The following STX11 variants were observed in gnomAD, a reference collection of about 807,000 sequenced individuals.
STX11 encodes syntaxin-11.
Under a neutral mutation model 19.9 loss-of-function variants are expected in STX11, and 21 were observed. The observed-to-expected ratio is 1.06, with a 90% CI of 0.75 to 1.52. STX11 has a LOEUF of 1.52. STX11 is among the 40% of genes most tolerant of loss of function. The pLI, the probability that STX11 is intolerant of heterozygous loss-of-function variation, is 0.00. For missense variants in STX11, 438 were observed against 405.9 expected (o/e 1.08, Z -0.68); for synonymous variants, 193 against 174.4 (o/e 1.11, Z -0.84).
rs1416701912 is a variant in STX11, at chr6:144,155,400, C to T, written c.-6+4697C>T. Among the ~76,000 whole-genome samples, 1 of 152,136 alleles carries T rather than the reference C, an allele frequency of 6.6e-6. No individual in the cohort carries two copies. The highest frequency in any genetic ancestry group is 2.4e-5 in the African/African-American group (1 of 41,434). On this transcript the variant is annotated intron_variant, in intron 1 of 1. Coordinates refer to ENST00000367568, the MANE Select transcript of STX11 (RefSeq NM_003764.4). The surrounding 1 kb of genome is among the most constrained non-coding windows in gnomAD (Gnocchi z 4.5). ...GCTTGAAGTTTTAAAATAGTTTCTC[C>T]ACACATGCATTGAATGTTTTGTTCA...
chr6:144,149,935 C>G (rs1800949934), upstream of STX11, among the ~76,000 whole-genome samples: 1 of 152,036 alleles, frequency 6.6e-6, no homozygotes, highest in Non-Finnish European at 1.5e-5. The surrounding 1 kb of genome is among the most constrained non-coding windows in gnomAD (Gnocchi z 5.1). Context: ...TTTTTGAGCG[C>G]GGTGGGCACA....
rs1015482837 is a variant in STX11 at position 144,177,677 on chromosome 6, G to T, written c.-5-8946G>T. On this transcript the variant is annotated intron_variant, in intron 1 of 1. Coordinates refer to ENST00000367568, the MANE Select transcript of STX11 (RefSeq NM_003764.4). This position sits in a 1 kb window ranked among gnomAD's most constrained non-coding sequence, Gnocchi z 4.4. ...AGGCAGGAGAATTGCTTGAACCCGG[G>T]AGGCAAAGGTTGCGGTGAGCCAAGA... Among the ~76,000 whole-genome samples the T allele has an allele frequency of 2.0e-5, 3 of 152,176 alleles. No individual in the cohort carries two copies. The highest frequency in any genetic ancestry group is 7.2e-5 in the African/African-American group (3 of 41,430).
In STX11 at chr6:144,152,661, C is replaced by G. The variant is rs141455500; in HGVS notation, c.-6+1958C>G. Among the ~76,000 whole-genome samples the G allele has an allele frequency of 2.6e-5, 4 of 152,184 alleles. No individual in the cohort carries two copies. The highest frequency in any genetic ancestry group is 9.7e-5 in the African/African-American group (4 of 41,442). On this transcript the variant is annotated intron_variant, in intron 1 of 1. Coordinates refer to ENST00000367568, the MANE Select transcript of STX11 (RefSeq NM_003764.4). This position sits in a 1 kb window ranked among gnomAD's most constrained non-coding sequence, Gnocchi z 4.9. Reference sequence around the variant, plus strand: ...TTTGTTTTGTTTTTTGAGACAGAGTCTCACTCTGTTGCCCCAGGCTGGAGT... The same window carrying G: ...TTTGTTTTGTTTTTTGAGACAGAGTGTCACTCTGTTGCCCCAGGCTGGAGT...
rs1802101648 is a variant in STX11, at chr6:144,187,787, T to G, written c.*296T>G. The G allele has an allele frequency of 7.6e-6, 4 of 528,876 alleles. No individual in the cohort carries two copies. Among genetic ancestry groups the G allele is most frequent in the South Asian group, 4.5e-5 (2 of 44,806 alleles). 32.8% of individuals were successfully genotyped at this position (528,876 alleles called of 1,614,324 possible). On this transcript the variant is annotated 3_prime_UTR_variant, in exon 2 of 2. Transcript: ENST00000367568. This position sits in a 1 kb window ranked among gnomAD's most constrained non-coding sequence, Gnocchi z 5.6. Reference sequence around the variant, plus strand: ...ACAGAAGCCAAGTAAGGAACTGAAGTTGTATCTGACTGTAGGGTGAATGTC... The same window carrying G: ...ACAGAAGCCAAGTAAGGAACTGAAGGTGTATCTGACTGTAGGGTGAATGTC...
At chr6:144,156,797 G>T (rs2128747776) in intron 1 of STX11, among the ~76,000 whole-genome samples, 1 of 152,224 alleles carries the variant, frequency 6.6e-6, no homozygotes, top group Admixed American at 6.5e-5. Context: ...ACTACTGCAT[G>T]GTAAACCAAC....
Position 144,189,988 on chromosome 6 carries a change from A to G in STX11, c.*2497A>G, listed in dbSNP as rs1008100662. 6.6e-6 allele frequency among the ~76,000 whole-genome samples: 1 copy of G among 152,248 alleles called. No homozygotes were observed. The highest frequency in any genetic ancestry group is 6.5e-5 in the Admixed American group (1 of 15,286). On this transcript the variant is annotated 3_prime_UTR_variant, in exon 2 of 2. Transcript: ENST00000367568. ...TCATAAATTTGACATGTTTGAACCC[A>G]TAAAGCATTTTCTTTGCTTGGAACC... is the stretch of plus-strand genomic sequence containing the variant.
chr6:144,140,254 A>ATAT, the STX11 span, among the ~76,000 whole-genome samples: 1 of 38,898 alleles, frequency 2.6e-5, no homozygotes, highest in African/African-American at 1.3e-4. Context: ...ATATATATAT[A>ATAT]TTTATTTATT....
rs1801365445 is a variant in STX11 at position 144,162,423 on chromosome 6, T to C, written c.-6+11720T>C. On this transcript the variant is annotated intron_variant, in intron 1 of 1. Coordinates refer to ENST00000367568, the MANE Select transcript of STX11 (RefSeq NM_003764.4). This position sits in a 1 kb window ranked among gnomAD's most constrained non-coding sequence, Gnocchi z 4.6. ...CTTCTCTCTTATTCTTTATCCTAGT[T>C]GGCTTATGCCTTTAGAAAGTTCCTT... 6.6e-6 allele frequency among the ~76,000 whole-genome samples: 1 copy of C among 152,246 alleles called. No individual in the cohort carries two copies. Among genetic ancestry groups the C allele is most frequent in the Non-Finnish European group, 1.5e-5 (1 of 68,044 alleles).
chr6:144,158,068 C>T (rs2128748160), intron 1 of STX11, among the ~76,000 whole-genome samples: 1 of 151,954 alleles, frequency 6.6e-6, no homozygotes, highest in East Asian at 1.9e-4. Context: ...GGGGTGGAAC[C>T]CATGAATTGA....
At position 144,186,945 on chromosome 6, in the gene STX11, C is replaced by G. The variant is rs1331554948; in HGVS notation, c.318C>G (p.Ala106=). Residue 106 remains alanine (A), a synonymous_variant, in exon 2 of 2, where the codon GCC becomes GCG. Coordinates refer to ENST00000367568, the MANE Select transcript of STX11 (RefSeq NM_003764.4). ...RGEVIHCKLR[A]MKELSEAAEA... ...AGGTCATCCACTGCAAGCTGCGCGC[C>G]ATGAAGGAGCTGAGCGAGGCGGCTG... 1.2e-6 allele frequency: 2 copies of G among 1,609,770 alleles called. No individual in the cohort carries two copies. The highest frequency in any genetic ancestry group is 4.5e-5 in the East Asian group (2 of 44,876).
At position 144,155,945 on chromosome 6, in the gene STX11, T is replaced by C. The variant is rs867849662; in HGVS notation, c.-6+5242T>C. ...TAAATGTGTTTTAAAATTTAATCTT[T>C]CTTTCTTTCTTTCTTTCTTTCTTTC... On this transcript the variant is annotated intron_variant, in intron 1 of 1. Transcript: ENST00000367568. This position sits in a 1 kb window ranked among gnomAD's most constrained non-coding sequence, Gnocchi z 4.5. Among the ~76,000 whole-genome samples the C allele has an allele frequency of 0.27, 2,050 of 7,470 alleles. 106 individuals are homozygous for C. The highest frequency in any genetic ancestry group is 0.38 in the African/African-American group (1,631 of 4,324). 4.9% of individuals were successfully genotyped at this position (7,470 alleles called of 152,430 possible).
In STX11 at chr6:144,174,851, G is replaced by C. The variant is rs1046730175; in HGVS notation, c.-5-11772G>C. ...ATCTGGTACTACAATACTAACATTA[G>C]GCCAGGCACAGTGGCACACATCTGT... On this transcript the variant is annotated intron_variant, in intron 1 of 1. Coordinates refer to ENST00000367568, the MANE Select transcript of STX11 (RefSeq NM_003764.4). The surrounding 1 kb of genome is among the most constrained non-coding windows in gnomAD (Gnocchi z 5.3). Among the ~76,000 whole-genome samples the C allele has an allele frequency of 1.2e-4, 18 of 152,112 alleles. No homozygotes were observed. Among genetic ancestry groups the C allele is most frequent in the African/African-American group, 4.3e-4 (18 of 41,410 alleles).
At chr6:144,186,127 C>G (rs1187645050) in intron 1 of STX11, among the ~76,000 whole-genome samples, 1 of 121,398 alleles carries the variant, frequency 8.2e-6, no homozygotes, top group African/African-American at 3.3e-5. Flanking sequence ...GAGATGGTTT[C>G]CCAATGCAAT....
In STX11 at chr6:144,186,495, T is replaced by C. The variant is rs918972250; in HGVS notation, c.-5-128T>C. 1.0e-5 allele frequency: 11 copies of C among 1,102,944 alleles called. No individual in the cohort carries two copies. In the African/African-American group the frequency reaches 1.4e-4, roughly 14 times the overall value. 68.3% of individuals were successfully genotyped at this position (1,102,944 alleles called of 1,614,324 possible). A position where few individuals can be genotyped will look rare whatever the true frequency, so the allele number is the denominator to read the frequency against. On this transcript the variant is annotated intron_variant, in intron 1 of 1. Transcript: ENST00000367568. ...ATGTCAGAACATTTAGCTCCTTTAG[T>C]GCACTTATTGCCCACACCGAGGAAT...
Position 144,187,500 on chromosome 6 carries a change from C to G in STX11, c.*9C>G. 6.2e-7 allele frequency: 1 copy of G among 1,611,738 alleles called. No homozygotes were observed. The highest frequency in any genetic ancestry group is 1.3e-5 in the African/African-American group (1 of 75,028). On this transcript the variant is annotated 3_prime_UTR_variant, in exon 2 of 2. Coordinates refer to ENST00000367568, the MANE Select transcript of STX11 (RefSeq NM_003764.4). The surrounding 1 kb of genome is among the most constrained non-coding windows in gnomAD (Gnocchi z 5.6). ...GTCCCTGCCTCAAGTAGCAGGCCGGCCCGGGCCGCCACCGCCCATCCCAGA... is the reference window on the plus strand; with the variant it reads ...GTCCCTGCCTCAAGTAGCAGGCCGGGCCGGGCCGCCACCGCCCATCCCAGA...
In STX11 at chr6:144,175,429, C is replaced by T. The variant is rs958617020; in HGVS notation, c.-5-11194C>T. On this transcript the variant is annotated intron_variant, in intron 1 of 1. Coordinates refer to ENST00000367568, the MANE Select transcript of STX11 (RefSeq NM_003764.4). This position sits in a 1 kb window ranked among gnomAD's most constrained non-coding sequence, Gnocchi z 5.1. ...ATTGTTTTTTCTTCTGCCTCATCCTCCCGAGTAGCTGGGACTACAGGTATA... is the reference window on the plus strand; with the variant it reads ...ATTGTTTTTTCTTCTGCCTCATCCTTCCGAGTAGCTGGGACTACAGGTATA... Among the ~76,000 whole-genome samples, 3 of 152,088 alleles carry T rather than the reference C, an allele frequency of 2.0e-5. No individual in the cohort carries two copies. Among genetic ancestry groups the T allele is most frequent in the African/African-American group, 7.2e-5 (3 of 41,402 alleles).
Position 144,151,407 on chromosome 6 carries a change from T to C in STX11, c.-6+704T>C. On this transcript the variant is annotated intron_variant, in intron 1 of 1. Transcript: ENST00000367568. The surrounding 1 kb of genome is among the most constrained non-coding windows in gnomAD (Gnocchi z 4.6). ...AGAGGGAGGAGCTGTTATTTACAGGTATCCAAAAATGAGTCACAGGGCTGC... is the reference window on the plus strand; with the variant it reads ...AGAGGGAGGAGCTGTTATTTACAGGCATCCAAAAATGAGTCACAGGGCTGC... 1.0e-6 allele frequency: 1 copy of C among 985,440 alleles called. No homozygotes were observed. Among genetic ancestry groups the C allele is most frequent in the Non-Finnish European group, 1.2e-6 (1 of 829,926 alleles). The allele number at this position is 985,440 out of a possible 1,614,324, so 61.0% of individuals were successfully genotyped here. A position where few individuals can be genotyped will look rare whatever the true frequency, so the allele number is the denominator to read the frequency against.
At chr6:144,146,452 G>T (rs1406002594), upstream of STX11, among the ~76,000 whole-genome samples, 1 of 152,152 alleles carries the variant, frequency 6.6e-6, no homozygotes, top group African/African-American at 2.4e-5. This position sits in a 1 kb window ranked among gnomAD's most constrained non-coding sequence, Gnocchi z 4.4. Flanking sequence ...TCTAAACCCT[G>T]TCATTATGTG....
intron 1 of STX11, among the ~76,000 whole-genome samples, chr6:144,171,447 A>ACTGTGC (rs1801629376): frequency 6.6e-6 from 1 of 152,188 alleles, no homozygotes; most frequent in African/African-American, 2.4e-5. Flanking sequence ...GGGAAGTTGC[A>ACTGTGC]CTGTGCCTAC....
Sources: gnomAD v4.1 joint callset for allele counts (sites outside exome capture counted in the v4.1 genomes callset) on GRCh38, gnomAD v4.1.1 for gene constraint, Gnocchi (gnomAD v3.1) non-coding constraint, MANE v1.5 for transcripts, NCBI Gene and HGNC (gene_info 2026-07-23, HGNC 2026-07-21) for gene names.